Variants in ABTB2 observed in about 807,000 individuals in gnomAD.
ABTB2 encodes the protein ankyrin repeat and BTB/POZ domain-containing protein 2.
ABTB2 carries 56 observed loss-of-function variants against 104.1 expected under a neutral mutation model. That is an observed-to-expected ratio of 0.54 (90% confidence interval 0.43 to 0.67). The LOEUF (loss-of-function observed/expected upper bound fraction) is 0.67, where lower values mean the gene tolerates loss of function less well. Ranked by LOEUF, ABTB2 falls within the 30% of genes least tolerant of loss-of-function variation. The pLI is 0.00. For synonymous variants in ABTB2, 606 were observed against 608.2 expected, an observed-to-expected ratio of 1.00 and a Z score of 0.05; for missense variants, 1,279 against 1,407.7, an observed-to-expected ratio of 0.91 and a Z score of 1.46.
intron 3 of ABTB2, among the ~76,000 whole-genome samples, chr11:34,183,335 A>ACCTT (rs1853052215): frequency 6.6e-6 from 1 of 152,190 alleles, no homozygotes; most frequent in African/African-American, 2.4e-5. Flanking sequence ...CCTGGACTCA[A>ACCTT]GCCAACTGCC....
rs1043426842 is a variant in ABTB2, at chr11:34,319,369, C to T, written c.883+37332G>A. On this transcript the variant is annotated intron_variant, in intron 1 of 16. Coordinates refer to ENST00000435224, the MANE Select transcript of ABTB2 (RefSeq NM_145804.3). ...TGGCTTTATCATAAAGGGGCAGGTC[C>T]CACCAGGACCAGCTGATGCCTGCAC... 3.3e-5 allele frequency among the ~76,000 whole-genome samples: 5 copies of T among 152,198 alleles called. No homozygotes were observed. The South Asian group carries it at 1.0e-3, about 31-fold the overall frequency.
chr11:34,191,027 A>T (rs947347948), intron 3 of ABTB2, among the ~76,000 whole-genome samples: 1 of 152,206 alleles, frequency 6.6e-6, no homozygotes, highest in African/African-American at 2.4e-5. Context: ...ATGAGTTGAC[A>T]TGGTCATACT....
At chr11:34,258,628 T>A (rs61880455) in intron 1 of ABTB2, among the ~76,000 whole-genome samples, 1 of 143,690 alleles carries the variant, frequency 7.0e-6, no homozygotes, top group African/African-American at 2.6e-5. Context: ...TTTTTTTTTT[T>A]GAGACGGAGT....
At chr11:34,276,725 G>A (rs563079110) in intron 1 of ABTB2, among the ~76,000 whole-genome samples, 6 of 152,290 alleles carry the variant, frequency 3.9e-5, no homozygotes, top group South Asian at 2.1e-4. Context: ...AGGGATGGAC[G>A]ACTGGAGCAC....
intron 1 of ABTB2, among the ~76,000 whole-genome samples, chr11:34,218,351 C>T (rs1036616322): frequency 6.6e-6 from 1 of 152,060 alleles, no homozygotes; most frequent in Non-Finnish European, 1.5e-5. Flanking sequence ...TGTCTGGTGT[C>T]ATATCTAAAA....
intron 1 of ABTB2, among the ~76,000 whole-genome samples, chr11:34,209,289 A>G (rs1853446858): frequency 6.6e-6 from 1 of 151,828 alleles, no homozygotes; most frequent in South Asian, 2.1e-4. Context: ...GGTTGCAGTG[A>G]TGAGAACGTG....
In ABTB2 at chr11:34,154,796, T is replaced by G. The variant is rs772154243; in HGVS notation, c.2698-27A>C. The G allele has an allele frequency of 1.9e-6, 3 of 1,612,406 alleles. No homozygotes were observed. Among genetic ancestry groups the G allele is most frequent in the Non-Finnish European group, 2.5e-6 (3 of 1,178,724 alleles). Reference sequence around the variant, plus strand: ...TGTGGTGGGAAGAGGCCCATGTGAATGCCACGTGAACCTGAGGCATGAAAG... The same window carrying G: ...TGTGGTGGGAAGAGGCCCATGTGAAGGCCACGTGAACCTGAGGCATGAAAG... On this transcript the variant is annotated intron_variant, in intron 14 of 16. Coordinates refer to ENST00000435224, the MANE Select transcript of ABTB2 (RefSeq NM_145804.3). The surrounding 1 kb of genome is among the most constrained non-coding windows in gnomAD (Gnocchi z 4.9).
chr11:34,191,326 C>A (rs896154686), intron 3 of ABTB2, among the ~76,000 whole-genome samples: 1 of 152,206 alleles, frequency 6.6e-6, no homozygotes, highest in Non-Finnish European at 1.5e-5. Context: ...ACCCAGAGCA[C>A]TGACACGTTC....
chr11:34,189,851 C>T (rs142740025), intron 3 of ABTB2, among the ~76,000 whole-genome samples: 1 of 152,312 alleles, frequency 6.6e-6, no homozygotes, highest in African/African-American at 2.4e-5. Context: ...CTGCTTCTTA[C>T]TGTGTACCAG....
At chr11:34,324,474 T>C (rs922308279) in intron 1 of ABTB2, among the ~76,000 whole-genome samples, 1 of 152,176 alleles carries the variant, frequency 6.6e-6, no homozygotes, top group Admixed American at 6.5e-5. Context: ...CTACTTGTCA[T>C]TCCCACAGTA....
At chr11:34,341,130 G>C (rs930360906) in intron 1 of ABTB2, among the ~76,000 whole-genome samples, 1 of 152,200 alleles carries the variant, frequency 6.6e-6, no homozygotes, top group South Asian at 2.1e-4. Flanking sequence ...TGTGTGCCAA[G>C]CCTTATGCTA....
At chr11:34,223,805 C>T (rs1302482087) in intron 1 of ABTB2, among the ~76,000 whole-genome samples, 2 of 152,348 alleles carry the variant, frequency 1.3e-5, no homozygotes, top group East Asian at 3.9e-4. Flanking sequence ...CTCAAGTCAA[C>T]TGCCAGAGGG....
intron 1 of ABTB2, among the ~76,000 whole-genome samples, chr11:34,307,943 G>C (rs576129500): frequency 6.6e-6 from 1 of 152,194 alleles, no homozygotes; most frequent in Non-Finnish European, 1.5e-5. Context: ...GTGACTGCCT[G>C]CCTTGGCCTC....
intron 1 of ABTB2, among the ~76,000 whole-genome samples, chr11:34,232,193 A>G (rs1038958741): frequency 1.3e-5 from 2 of 152,180 alleles, no homozygotes; most frequent in African/African-American, 4.8e-5. Flanking sequence ...TCATGCCTGT[A>G]ATCCCAGCAC....
At chr11:34,213,599 C>T (rs1035616780) in intron 1 of ABTB2, among the ~76,000 whole-genome samples, 31 of 152,346 alleles carry the variant, frequency 2.0e-4, no homozygotes, top group African/African-American at 6.0e-4. Context: ...AGTTCTGACA[C>T]AGACCCAGAG....
intron 1 of ABTB2, among the ~76,000 whole-genome samples, chr11:34,231,345 T>C (rs1024170233): frequency 6.6e-6 from 1 of 152,176 alleles, no homozygotes; most frequent in Non-Finnish European, 1.5e-5. Context: ...AATTAATCTA[T>C]GCATTAATAG....
intron 1 of ABTB2, among the ~76,000 whole-genome samples, chr11:34,290,332 G>A (rs753873141): frequency 2.0e-5 from 3 of 152,206 alleles, no homozygotes; most frequent in Non-Finnish European, 4.4e-5. Context: ...AAGGCCAAAA[G>A]TTTCTTTTGC....
intron 1 of ABTB2, among the ~76,000 whole-genome samples, chr11:34,276,863 C>T (rs1240551438): frequency 2.6e-5 from 4 of 152,208 alleles, no homozygotes; most frequent in Non-Finnish European, 5.9e-5. Flanking sequence ...GTCTCCATCC[C>T]TTAGCAGAAC....
intron 1 of ABTB2, among the ~76,000 whole-genome samples, chr11:34,206,825 C>T (rs536996414): frequency 4.6e-4 from 70 of 152,262 alleles, no homozygotes; most frequent in African/African-American, 1.6e-3. Context: ...CCCAGGCCTC[C>T]CCGCTCTCCT....
Sources: allele counts gnomAD v4.1 joint callset (sites outside exome capture counted in the v4.1 genomes callset), GRCh38; gene constraint gnomAD v4.1.1; non-coding constraint Gnocchi (gnomAD v3.1); transcripts MANE v1.5; gene names NCBI Gene and HGNC (gene_info 2026-07-23, HGNC 2026-07-21).